Variants in KCNN2 observed in about 807,000 individuals in gnomAD.
KCNN2 encodes the protein potassium calcium-activated channel subfamily N member 2.
Under a neutral mutation model 55.5 loss-of-function variants are expected in KCNN2, and 24 were observed. The ratio of observed to expected loss-of-function variants is 0.43; its 90% CI spans 0.31 to 0.61. KCNN2 has a LOEUF of 0.61. Ranked by LOEUF, KCNN2 falls within the 20% of genes least tolerant of loss-of-function variation. The pLI is 0.08. For synonymous variants in KCNN2, 431 were observed against 336.1 expected, an observed-to-expected ratio of 1.28 and a Z score of -3.09; for missense variants, 754 against 853.6, an observed-to-expected ratio of 0.88 and a Z score of 1.45.
intron 1 of KCNN2, among the ~76,000 whole-genome samples, chr5:114,200,220 T>C (rs1447321693): frequency 1.3e-5 from 2 of 152,152 alleles, no homozygotes; most frequent in African/African-American, 4.8e-5. Flanking sequence ...TATTTTTGTC[T>C]TGCTGGATTG....
Position 114,171,890 on chromosome 5 carries a change from G to T in KCNN2, c.-270-49590G>T, listed in dbSNP as rs117380001. Among the ~76,000 whole-genome samples, 17 of 151,946 alleles carry T rather than the reference G, an allele frequency of 1.1e-4. No individual in the cohort carries two copies. In the East Asian group the frequency reaches 3.1e-3, roughly 28 times the overall value. ...ATGTAGCCTGAAAGTGAACTAAATTGTGTGTGTGAGGAAGGTGTGAACTTA... is the reference window on the plus strand; with the variant it reads ...ATGTAGCCTGAAAGTGAACTAAATTTTGTGTGTGAGGAAGGTGTGAACTTA... On this transcript the variant is annotated intron_variant, in intron 1 of 10. Coordinates refer to the KCNN2 transcript ENST00000512097.
chr5:114,225,000 C>A (rs1294763335), intron 2 of KCNN2, among the ~76,000 whole-genome samples: 3 of 152,082 alleles, frequency 2.0e-5, no homozygotes, highest in Non-Finnish European at 4.4e-5. Context: ...ACCAGACAAG[C>A]AAGAATTGCC....
chr5:114,434,388 C>G (rs959335411), intron 3 of KCNN2, among the ~76,000 whole-genome samples: 1 of 152,118 alleles, frequency 6.6e-6, no homozygotes, highest in Admixed American at 6.5e-5. Context: ...CGTGCTGCCT[C>G]TTTTTCCTTT....
At chr5:114,074,368 G>C (rs1420609866) in intron 1 of KCNN2, among the ~76,000 whole-genome samples, 2 of 151,646 alleles carry the variant, frequency 1.3e-5, no homozygotes, top group Non-Finnish European at 2.9e-5. Context: ...AGATCTTTAA[G>C]GTAGCTTGTT....
At position 114,058,472 on chromosome 5, in the gene KCNN2, C is replaced by T. The variant is rs148846673; in HGVS notation, c.-271+1972C>T. 8.1e-3 allele frequency among the ~76,000 whole-genome samples: 1,237 copies of T among 152,114 alleles called. 13 individuals carry two copies. Among genetic ancestry groups the T allele is most frequent in the South Asian group, 0.014 (67 of 4,822 alleles). ...ATGCTTGTTACGTTATTAAAAATAA[C>T]GAGTAAATAACAAAGTATGACAGGG... is the stretch of plus-strand genomic sequence containing the variant. On this transcript the variant is annotated intron_variant, in intron 1 of 10. Coordinates refer to the KCNN2 transcript ENST00000512097.
intron 1 of KCNN2, among the ~76,000 whole-genome samples, chr5:114,101,394 G>T (rs1751369594): frequency 6.7e-6 from 1 of 149,462 alleles, no homozygotes; most frequent in Non-Finnish European, 1.5e-5. Flanking sequence ...GTTTATGCCA[G>T]TGGCACCATC....
chr5:114,108,447 A>G (rs1751532030), intron 1 of KCNN2, among the ~76,000 whole-genome samples: 2 of 152,026 alleles, frequency 1.3e-5, no homozygotes, highest in South Asian at 4.1e-4. Context: ...TAATTTGGTA[A>G]GTTTTGCCCA....
chr5:114,268,188 T>G (rs186932815), intron 2 of KCNN2, among the ~76,000 whole-genome samples: 1 of 152,318 alleles, frequency 6.6e-6, no homozygotes, highest in Non-Finnish European at 1.5e-5. Flanking sequence ...AACTGATGAA[T>G]AGAGAAAGGT....
At chr5:114,134,376 C>T (rs892933188) in intron 1 of KCNN2, among the ~76,000 whole-genome samples, 1 of 151,396 alleles carries the variant, frequency 6.6e-6, no homozygotes, top group African/African-American at 2.4e-5. Context: ...CAATTGAAAG[C>T]TTGACTTATA....
intron 2 of KCNN2, among the ~76,000 whole-genome samples, chr5:114,318,977 G>C (rs1756558972): frequency 7.9e-6 from 1 of 126,366 alleles, no homozygotes; most frequent in Non-Finnish European, 1.7e-5. Flanking sequence ...TACTGAGTGA[G>C]ACATCAGCCA....
chr5:114,218,901 T>C (rs4478311), intron 1 of KCNN2, among the ~76,000 whole-genome samples: 133,676 of 151,928 alleles, frequency 0.88, 58,852 homozygotes, highest in East Asian at 0.94. Flanking sequence ...ACTTGTGGCA[T>C]GGTACCTTGT....
At chr5:114,067,143 GTCCACAGTAGGATC>G (rs1164715348) in intron 1 of KCNN2, among the ~76,000 whole-genome samples, 2 of 152,334 alleles carry the variant, frequency 1.3e-5, no homozygotes. Context: ...CAGTGTCATG[GTCCACAGTAGGATC>G]TGCCACAGGG....
intron 3 of KCNN2, among the ~76,000 whole-genome samples, chr5:114,426,340 C>G (rs550544695): frequency 1.3e-5 from 2 of 152,294 alleles, no homozygotes; most frequent in South Asian, 4.1e-4. Context: ...TGTCATAAAT[C>G]CTACTTGGTC....
chr5:114,436,322 A>G (rs754123625), intron 3 of KCNN2, among the ~76,000 whole-genome samples: 2 of 152,218 alleles, frequency 1.3e-5, no homozygotes, highest in African/African-American at 4.8e-5. Flanking sequence ...CCTATCAACT[A>G]TGAGATAGTC....
chr5:114,194,117 TA>T (rs1400760941), intron 1 of KCNN2, among the ~76,000 whole-genome samples: 1 of 152,144 alleles, frequency 6.6e-6, no homozygotes, highest in Non-Finnish European at 1.5e-5. Context: ...GTATGAATAA[TA>T]TTACATACAA....
intron 5 of KCNN2, among the ~76,000 whole-genome samples, chr5:114,486,064 G>A (rs954183131): frequency 1.3e-5 from 2 of 152,136 alleles, no homozygotes; most frequent in African/African-American, 4.8e-5. Flanking sequence ...AGTCAAGTAC[G>A]TAGAACCCGG....
At chr5:114,146,251 A>G (rs1434330017) in intron 1 of KCNN2, among the ~76,000 whole-genome samples, 2 of 152,150 alleles carry the variant, frequency 1.3e-5, no homozygotes, top group Non-Finnish European at 2.9e-5. Context: ...AGCAATGCCA[A>G]GTTTAGTTGT....
intron 2 of KCNN2, among the ~76,000 whole-genome samples, chr5:114,319,731 A>G (rs2150028940): frequency 6.6e-6 from 1 of 152,370 alleles, no homozygotes; most frequent in South Asian, 2.1e-4. Context: ...ACTGTAAGAT[A>G]TAATGCTTGA....
chr5:114,171,679 CT>C (rs61254407), intron 1 of KCNN2, among the ~76,000 whole-genome samples: 13 of 147,412 alleles, frequency 8.8e-5, no homozygotes, highest in African/African-American at 2.7e-4. Context: ...TTCTTATATG[CT>C]TTTTTTTTTT....
Sources: allele counts gnomAD v4.1 joint callset (sites outside exome capture counted in the v4.1 genomes callset), GRCh38; gene constraint gnomAD v4.1.1; transcripts MANE v1.5; gene names NCBI Gene and HGNC (gene_info 2026-07-23, HGNC 2026-07-21).